The following EGFLAM variants were observed in gnomAD, a reference collection of about 807,000 sequenced individuals.
EGFLAM encodes pikachurin.
EGFLAM carries 79 observed loss-of-function variants against 113.1 expected under a neutral mutation model. The observed-to-expected ratio is 0.70, with a 90% CI of 0.58 to 0.84. The LOEUF is 0.84. EGFLAM is among the 40% of genes least tolerant of loss of function. The probability of loss-of-function intolerance (pLI) is 0.00; values close to 1 mark genes in which losing one functional copy is unlikely to be tolerated. For synonymous variants in EGFLAM, 504 were observed against 487.6 expected (o/e 1.03, Z -0.44); for missense variants, 1,265 against 1,291.6 (o/e 0.98, Z 0.32).
At chr5:38,438,589 C>A (rs1313607566) in intron 17 of EGFLAM, 134 bp downstream of exon 17, 2 of 846,698 alleles carry the variant, frequency 2.4e-6, no homozygotes, top group Non-Finnish European at 3.3e-6. Context: ...TCAATTATTT[C>A]AATAACTTAT....
chr5:38,311,606 T>C (rs574815805), intron 1 of EGFLAM, among the ~76,000 whole-genome samples: 1 of 152,348 alleles, frequency 6.6e-6, no homozygotes, highest in South Asian at 2.1e-4. Flanking sequence ...AACCTGCCTG[T>C]TTTTTGCATT....
At chr5:38,325,548 A>T (rs540154945) in intron 1 of EGFLAM, among the ~76,000 whole-genome samples, 1 of 152,354 alleles carries the variant, frequency 6.6e-6, no homozygotes, top group South Asian at 2.1e-4. Flanking sequence ...TCAGAAGTAG[A>T]CTAAGGTTTG....
At chr5:38,389,574 T>C (rs949467332) in intron 6 of EGFLAM, among the ~76,000 whole-genome samples, 11 of 152,156 alleles carry the variant, frequency 7.2e-5, no homozygotes, top group Admixed American at 5.9e-4. Context: ...ATTTTGTCAG[T>C]TTATATGTAG....
At position 38,375,060 on chromosome 5, in the gene EGFLAM, G is replaced by GTTTTT. The variant is rs74821426; in HGVS notation, c.712+4612_712+4616dup. On this transcript the variant is annotated intron_variant, in intron 6 of 21. Transcript: ENST00000322350. Reference sequence around the variant, plus strand: ...TAGATTGTCTGTTTACTCTGTTGTTGTTTTTTTTTTTTTTTTTTGGCTGTG... The same window carrying GTTTTT: ...TAGATTGTCTGTTTACTCTGTTGTTGTTTTTTTTTTTTTTTTTTTTTTTGGCTGTG... 5.0e-4 allele frequency among the ~76,000 whole-genome samples: 54 copies of GTTTTT among 107,700 alleles called. 1 individual carries two copies. Among genetic ancestry groups the GTTTTT allele is most frequent in the East Asian group, 9.2e-4 (3 of 3,274 alleles). The allele number at this position is 107,700 out of a possible 152,430, so 70.7% of individuals were successfully genotyped here. A position where few individuals can be genotyped will look rare whatever the true frequency, so the allele number is the denominator to read the frequency against.
intron 15 of EGFLAM, among the ~76,000 whole-genome samples, chr5:38,434,544 T>C (rs1742285400): frequency 6.6e-6 from 1 of 152,216 alleles, no homozygotes; most frequent in Non-Finnish European, 1.5e-5. Context: ...AAGAAAATAA[T>C]AACTTAACAT....
At chr5:38,384,391 T>A (rs952966175) in intron 6 of EGFLAM, among the ~76,000 whole-genome samples, 1 of 152,172 alleles carries the variant, frequency 6.6e-6, no homozygotes, top group Admixed American at 6.5e-5. Context: ...CCCACTTACA[T>A]GCGTGGTTAC....
At position 38,350,624 on chromosome 5, in the gene EGFLAM, G is replaced by A; in HGVS notation, c.409+6G>A. ...TGTCACCACTTTGTCCCAAGGTAAA[G>A]TAGGTTCAAATTCATTAATAGGTGG... On this transcript the variant is annotated splice_donor_region_variant and intron_variant, in intron 4 of 21. Coordinates refer to ENST00000322350, the MANE Select transcript of EGFLAM (RefSeq NM_152403.4). The A allele has an allele frequency of 6.2e-7, 1 of 1,612,774 alleles. No homozygotes were observed. Among genetic ancestry groups the A allele is most frequent in the East Asian group, 2.2e-5 (1 of 44,852 alleles).
At chr5:38,323,096 G>C (rs1738783309) in intron 1 of EGFLAM, among the ~76,000 whole-genome samples, 2 of 152,150 alleles carry the variant, frequency 1.3e-5, no homozygotes, top group Non-Finnish European at 2.9e-5. Flanking sequence ...TTTTTAGTTA[G>C]TCTGGGCATT....
At chr5:38,461,915 C>T (rs1743288503) in intron 20 of EGFLAM, among the ~76,000 whole-genome samples, 1 of 152,156 alleles carries the variant, frequency 6.6e-6, no homozygotes, top group African/African-American at 2.4e-5. Context: ...CCTGTAATCC[C>T]AGCACTTTGG....
At chr5:38,371,806 G>A (rs1487600424) in intron 6 of EGFLAM, among the ~76,000 whole-genome samples, 1 of 152,172 alleles carries the variant, frequency 6.6e-6, no homozygotes, top group Non-Finnish European at 1.5e-5. Flanking sequence ...TCGATTTAAA[G>A]GAAGGCCTTG....
intron 5 of EGFLAM, among the ~76,000 whole-genome samples, chr5:38,357,864 C>CTTT (rs796951086): frequency 1.7e-5 from 2 of 115,800 alleles, no homozygotes; most frequent in African/African-American, 6.3e-5. Flanking sequence ...AACAAATTTT[C>CTTT]TTTTTTTTTT....
intron 14 of EGFLAM, among the ~76,000 whole-genome samples, chr5:38,427,949 G>A (rs575487364): frequency 1.1e-4 from 16 of 152,274 alleles, no homozygotes; most frequent in East Asian, 1.9e-4. Flanking sequence ...TTAGCAGGTC[G>A]ATTGTTCCTT....
chr5:38,367,083 A>G (rs1190809026), intron 5 of EGFLAM, among the ~76,000 whole-genome samples: 1 of 151,960 alleles, frequency 6.6e-6, no homozygotes, highest in East Asian at 1.9e-4. Context: ...GCCTGGCCCA[A>G]CCCTATCTCA....
intron 1 of EGFLAM, among the ~76,000 whole-genome samples, chr5:38,300,449 A>T (rs1758549247): frequency 6.7e-6 from 1 of 149,622 alleles, no homozygotes; most frequent in African/African-American, 2.5e-5. Flanking sequence ...AATCTCGGCT[A>T]ACTGCAACCT....
chr5:38,435,106 A>G, intron 15 of EGFLAM, 31 bp from the exon 16 acceptor site: 15 of 1,586,196 alleles, frequency 9.5e-6, no homozygotes, highest in Non-Finnish European at 1.3e-5. Context: ...TTTTAAAGTC[A>G]TACAATGCTT....
At chr5:38,429,095 C>A (rs1742106392) in intron 14 of EGFLAM, among the ~76,000 whole-genome samples, 1 of 152,114 alleles carries the variant, frequency 6.6e-6, no homozygotes, top group African/African-American at 2.4e-5. Context: ...GTGGAATTGG[C>A]CAGATCATTT....
At chr5:38,344,706 C>T (rs1739431755) in intron 3 of EGFLAM, among the ~76,000 whole-genome samples, 1 of 152,182 alleles carries the variant, frequency 6.6e-6, no homozygotes, top group African/African-American at 2.4e-5. Context: ...GGGCCAGGCT[C>T]CTTCCAACCC....
At chr5:38,289,710 C>T (rs917872547) in intron 1 of EGFLAM, among the ~76,000 whole-genome samples, 3 of 152,120 alleles carry the variant, frequency 2.0e-5, no homozygotes, top group African/African-American at 4.8e-5. Flanking sequence ...AAATGGATAT[C>T]GGATATCCTA....
chr5:38,307,510 G>A (rs1421731106), intron 1 of EGFLAM, among the ~76,000 whole-genome samples: 1 of 152,190 alleles, frequency 6.6e-6, no homozygotes, highest in Non-Finnish European at 1.5e-5. Context: ...ATGATTGTAA[G>A]TTTCCTGAGG....
Sources: allele counts gnomAD v4.1 joint callset (sites outside exome capture counted in the v4.1 genomes callset), GRCh38; gene constraint gnomAD v4.1.1; transcripts MANE v1.5; gene names NCBI Gene and HGNC (gene_info 2026-07-23, HGNC 2026-07-21).